The following DCLK1 variants were observed in gnomAD, a reference collection of about 807,000 sequenced individuals.
DCLK1 encodes doublecortin like kinase 1, also known as serine/threonine-protein kinase DCLK1.
DCLK1 carries 16 observed loss-of-function variants against 86.2 expected under a neutral mutation model. The observed-to-expected ratio is 0.19, with a 90% confidence interval of 0.13 to 0.28. The LOEUF (loss-of-function observed/expected upper bound fraction) is 0.28. Among genes scored for constraint, DCLK1 ranks in the 10% least tolerant of loss-of-function variants. The probability of loss-of-function intolerance (pLI) is 1.00; values close to 1 mark genes in which losing one functional copy is unlikely to be tolerated. For synonymous variants in DCLK1, 369 were observed against 370.5 expected (o/e 1.00, Z 0.05); for missense variants, 590 against 940.2 (o/e 0.63, Z 4.87).
chr13:35,964,825 C>T (rs991142767), intron 3 of DCLK1, among the ~76,000 whole-genome samples: 4 of 150,468 alleles, frequency 2.7e-5, no homozygotes, highest in Non-Finnish European at 4.4e-5. Flanking sequence ...CATTTTGTGT[C>T]AGGTAAAAAT....
intron 3 of DCLK1, among the ~76,000 whole-genome samples, chr13:36,111,076 C>T (rs1032103902): frequency 1.4e-4 from 21 of 152,020 alleles, no homozygotes; most frequent in African/African-American, 4.8e-4. Context: ...CCTCGTGATC[C>T]GCCTGCCTCG....
chr13:35,811,984 A>C (rs1193567407), intron 11 of DCLK1, among the ~76,000 whole-genome samples: 1 of 152,168 alleles, frequency 6.6e-6, no homozygotes, highest in Non-Finnish European at 1.5e-5. Flanking sequence ...AGATATTAAC[A>C]TTTCATTTCA....
At chr13:35,787,059 A>ATTTT (rs2086636226) in intron 16 of DCLK1, among the ~76,000 whole-genome samples, 1 of 151,074 alleles carries the variant, frequency 6.6e-6, no homozygotes, top group African/African-American at 2.4e-5. Flanking sequence ...AGGAGTAACA[A>ATTTT]TTGGGGCTAA....
At position 35,948,767 on chromosome 13, in the gene DCLK1, A is replaced by G. The variant is rs1480627306; in HGVS notation, c.724-1310T>C. Among the ~76,000 whole-genome samples the G allele has an allele frequency of 2.0e-5, 3 of 152,204 alleles. No individual in the cohort carries two copies. The South Asian group carries it at 6.2e-4, about 32-fold the overall frequency. On this transcript the variant is annotated intron_variant, in intron 3 of 16. Transcript: ENST00000360631. Reference sequence around the variant, plus strand: ...GTACTATCCACGGTTGTCAGTGTTTAGTCTGCCCATGAAAGCTTAAAAACA... The same window carrying G: ...GTACTATCCACGGTTGTCAGTGTTTGGTCTGCCCATGAAAGCTTAAAAACA...
At chr13:36,064,082 A>G (rs1376004506) in intron 3 of DCLK1, among the ~76,000 whole-genome samples, 1 of 152,196 alleles carries the variant, frequency 6.6e-6, no homozygotes, top group Non-Finnish European at 1.5e-5. Flanking sequence ...GAACACTGGG[A>G]AGCGCCTCAC....
At chr13:36,007,783 T>C (rs1442316450) in intron 3 of DCLK1, among the ~76,000 whole-genome samples, 1 of 152,158 alleles carries the variant, frequency 6.6e-6, no homozygotes, top group African/African-American at 2.4e-5. Flanking sequence ...TTCAAATAAC[T>C]AACGAAACTG....
intron 5 of DCLK1, among the ~76,000 whole-genome samples, chr13:35,859,369 T>C (rs1871256261): frequency 6.6e-6 from 1 of 151,726 alleles, no homozygotes; most frequent in Non-Finnish European, 1.5e-5. Flanking sequence ...TGTCATCCTT[T>C]GCTGTGCTTG....
At chr13:35,886,080 C>T (rs1451123300) in intron 4 of DCLK1, among the ~76,000 whole-genome samples, 5 of 147,212 alleles carry the variant, frequency 3.4e-5, no homozygotes, top group African/African-American at 7.6e-5. Context: ...GGTGCAATCT[C>T]GGCTCACTGC....
chr13:35,847,235 T>C, intron 6 of DCLK1: 1 of 985,266 alleles, frequency 1.0e-6, no homozygotes, highest in South Asian at 4.7e-5. Context: ...CTGAATATTT[T>C]GAACCATTTG....
chr13:35,789,694 CA>C (rs1309250118), intron 16 of DCLK1, among the ~76,000 whole-genome samples: 1 of 152,110 alleles, frequency 6.6e-6, no homozygotes, highest in Non-Finnish European at 1.5e-5. Context: ...AAATAATAAA[CA>C]GTGTTAAATG....
At chr13:35,986,579 T>C (rs1879924797) in intron 3 of DCLK1, among the ~76,000 whole-genome samples, 2 of 152,166 alleles carry the variant, frequency 1.3e-5, no homozygotes, top group African/African-American at 4.8e-5. Flanking sequence ...ATAGAAGTGA[T>C]CACCTCTTTC....
At position 35,828,307 on chromosome 13, in the gene DCLK1, T is replaced by C. The variant is rs1868651945; in HGVS notation, c.1230A>G (p.Arg410=). 6.2e-7 allele frequency: 1 copy of C among 1,605,158 alleles called. No homozygotes were observed. Among genetic ancestry groups the C allele is most frequent in the East Asian group, 2.2e-5 (1 of 44,778 alleles). Reference sequence around the variant, plus strand: ...TCAGAGCATACTCTCTAGCAGTCGATCTGCGAAGAGAAAGTTCATGTTTTT... The same window carrying C: ...TCAGAGCATACTCTCTAGCAGTCGACCTGCGAAGAGAAAGTTCATGTTTTT... ...NFAVVKECVE[R]STAREYALKI... The change falls in exon 9 of 17, where the codon AGA becomes AGG. Residue 410 remains arginine (R), a splice_region_variant and synonymous_variant. Coordinates refer to ENST00000360631, the MANE Select transcript of DCLK1 (RefSeq NM_001330071.2).
intron 5 of DCLK1, among the ~76,000 whole-genome samples, chr13:35,866,616 A>AC (rs1555345564): frequency 2.2e-5 from 3 of 135,292 alleles, no homozygotes; most frequent in African/African-American, 8.2e-5. Context: ...TAATTTTTGT[A>AC]TTTTTTTTTT....
At chr13:36,061,400 T>C (rs1883543954) in intron 3 of DCLK1, among the ~76,000 whole-genome samples, 1 of 152,162 alleles carries the variant, frequency 6.6e-6, no homozygotes. Context: ...TTTTCTAAAA[T>C]TAGAAGATTA....
chr13:35,972,915 G>A (rs1879142087), intron 3 of DCLK1, among the ~76,000 whole-genome samples: 1 of 152,026 alleles, frequency 6.6e-6, no homozygotes, highest in Non-Finnish European at 1.5e-5. Context: ...AAAACTCCCA[G>A]TCCTCATGCT....
chr13:36,087,617 C>T (rs1013518912), intron 3 of DCLK1, among the ~76,000 whole-genome samples: 2 of 152,132 alleles, frequency 1.3e-5, no homozygotes, highest in African/African-American at 4.8e-5. Flanking sequence ...GATTGGAAAA[C>T]AGGCCATGTG....
At chr13:35,846,711 C>T (rs1209992010) in intron 6 of DCLK1, 2 of 985,198 alleles carry the variant, frequency 2.0e-6, no homozygotes, top group Non-Finnish European at 2.4e-6. Flanking sequence ...CAATCAAAGA[C>T]AGTTGTCACT....
chr13:36,080,917 G>T (rs1368451932), intron 3 of DCLK1, among the ~76,000 whole-genome samples: 1 of 152,142 alleles, frequency 6.6e-6, no homozygotes, highest in Non-Finnish European at 1.5e-5. Flanking sequence ...GGGGAAGGGA[G>T]TAGGGCATTC....
chr13:35,855,765 CAATT>C (rs1871015848), intron 5 of DCLK1: 1 of 1,285,920 alleles, frequency 7.8e-7, no homozygotes, highest in Non-Finnish European at 9.9e-7. Flanking sequence ...TCAAAGGTGT[CAATT>C]AAGCCTCTTG....
Sources: gnomAD v4.1 joint callset for allele counts (sites outside exome capture counted in the v4.1 genomes callset) on GRCh38, gnomAD v4.1.1 for gene constraint, MANE v1.5 for transcripts, NCBI Gene and HGNC (gene_info 2026-07-23, HGNC 2026-07-21) for gene names.